PIGN: variants seen among roughly 807,000 people sequenced by gnomAD.
PIGN encodes GPI ethanolamine phosphate transferase 1.
Under a neutral mutation model 125.4 loss-of-function variants are expected in PIGN, and 117 were observed. The ratio of observed to expected loss-of-function variants is 0.93; its 90% CI spans 0.80 to 1.09. The LOEUF is 1.09. Among genes scored for constraint, PIGN ranks in the 50% least tolerant of loss-of-function variants. PIGN has a pLI of 0.00. For missense variants in PIGN, 1,075 were observed against 1,094.9 expected (o/e 0.98, Z 0.26); for synonymous variants, 392 against 377.8 (o/e 1.04, Z -0.44).
chr18:62,086,835 T>G (rs140305834), intron 25 of PIGN, among the ~76,000 whole-genome samples: 1 of 152,008 alleles, frequency 6.6e-6, no homozygotes, highest in Non-Finnish European at 1.5e-5. Context: ...GGAATGAAGA[T>G]CTAGAGTGAA....
At chr18:62,163,726 GC>G in intron 1 of PIGN, 70 bp from the exon 2 acceptor site, 1 of 152,168 alleles carries the variant, frequency 6.6e-6, no homozygotes, top group Middle Eastern at 3.4e-3. Context: ...ACATTTTAAA[GC>G]ACAGAGTTCT....
intron 9 of PIGN, 149 bp from the exon 10 acceptor site, chr18:62,146,174 CA>C (rs1291751123): frequency 2.5e-5 from 10 of 398,246 alleles, no homozygotes; most frequent in Non-Finnish European, 4.5e-5. Flanking sequence ...CCTTTTATGG[CA>C]ATTAGTTTGA....
At chr18:62,157,651 T>G (rs2036787337) in intron 5 of PIGN, 36 bp downstream of exon 5, 1 of 1,584,466 alleles carries the variant, frequency 6.3e-7, no homozygotes, top group Non-Finnish European at 8.6e-7. Flanking sequence ...ACTTGACAAA[T>G]TTTTCATTTC....
intron 14 of PIGN, among the ~76,000 whole-genome samples, chr18:62,117,955 C>T (rs935360192): frequency 3.3e-5 from 5 of 151,850 alleles, no homozygotes; most frequent in African/African-American, 1.2e-4. Flanking sequence ...TGTATATATA[C>T]CATATTTTCT....
chr18:62,090,633 A>G, intron 23 of PIGN, 55 bp from the exon 24 acceptor site: 1 of 1,008,822 alleles, frequency 9.9e-7, no homozygotes, highest in Non-Finnish European at 1.5e-6. Flanking sequence ...AATAAGTAAA[A>G]ATGCAAATTT....
At chr18:62,144,726 G>GTA in intron 10 of PIGN, among the ~76,000 whole-genome samples, 1 of 152,270 alleles carries the variant, frequency 6.6e-6, no homozygotes, top group South Asian at 2.1e-4. Context: ...AGACTACATG[G>GTA]TATATATATG....
chr18:62,165,763 G>C (rs1310149876), intron 1 of PIGN, among the ~76,000 whole-genome samples: 1 of 152,144 alleles, frequency 6.6e-6, no homozygotes, highest in Non-Finnish European at 1.5e-5. Flanking sequence ...TGAAGGGTGT[G>C]GTTAACTGTC....
At chr18:62,171,886 T>C (rs966128329) in intron 1 of PIGN, among the ~76,000 whole-genome samples, 3 of 152,180 alleles carry the variant, frequency 2.0e-5, no homozygotes, top group Non-Finnish European at 4.4e-5. Context: ...TTTTACCATT[T>C]TTTGCAGCAA....
intron 23 of PIGN, among the ~76,000 whole-genome samples, chr18:62,019,963 C>T (rs912810206): frequency 6.6e-6 from 1 of 152,232 alleles, no homozygotes; most frequent in African/African-American, 2.4e-5. Context: ...AATTGGAACT[C>T]TGGATTATGG....
chr18:62,097,581 C>T (rs1328187866), intron 22 of PIGN, among the ~76,000 whole-genome samples: 1 of 151,884 alleles, frequency 6.6e-6, no homozygotes, highest in African/African-American at 2.4e-5. Context: ...TGGGTATATA[C>T]CCAAAAATGA....
At position 62,145,967 on chromosome 18, in the gene PIGN, A is replaced by G; in HGVS notation, c.864T>C (p.Ala288=). The change falls in exon 10 of 31, where the codon GCT becomes GCC. Residue 288 remains alanine (A), a synonymous_variant. Coordinates refer to ENST00000640252, the MANE Select transcript of PIGN (RefSeq NM_176787.5). The stretch of plus-strand genomic sequence containing the variant: ...ATACTCTTTGGGGATACTTGATTCC[A>G]GCTCCCCAAGTGACTAAAGGAGTTA... The part of the protein sequence containing the change: ...ETLTPLVTWG[A]GIKYPQRVSA... The G allele has an allele frequency of 1.2e-6, 2 of 1,609,696 alleles. No homozygotes were observed. Among genetic ancestry groups the G allele is most frequent in the East Asian group, 2.2e-5 (1 of 44,740 alleles).
At chr18:62,084,455 C>T (rs2145942741) in intron 27 of PIGN, 76 bp downstream of exon 27, 3 of 941,522 alleles carry the variant, frequency 3.2e-6, no homozygotes, top group Non-Finnish European at 4.8e-6. Context: ...TCCATTGCTA[C>T]TTAACTCTGT....
intron 21 of PIGN, among the ~76,000 whole-genome samples, chr18:62,102,410 T>C (rs766088337): frequency 6.6e-6 from 1 of 150,878 alleles, no homozygotes; most frequent in Non-Finnish European, 1.5e-5. Flanking sequence ...GGACATTAAC[T>C]GAAGTCTTAA....
At chr18:62,073,861 C>T (rs2033028506) in intron 29 of PIGN, among the ~76,000 whole-genome samples, 1 of 152,184 alleles carries the variant, frequency 6.6e-6, no homozygotes, top group African/African-American at 2.4e-5. Context: ...CTTGGAATGT[C>T]ATGGAATGTC....
chr18:62,143,416 G>A (rs1217675384), intron 10 of PIGN, 70 bp from the exon 11 acceptor site: 2 of 947,330 alleles, frequency 2.1e-6, no homozygotes, highest in Non-Finnish European at 3.3e-6. Context: ...TGATTTTTAG[G>A]AGTGGCCAAT....
chr18:62,045,516 C>T lies in PIGN; in HGVS notation c.*340G>A. On this transcript the variant is annotated 3_prime_UTR_variant, in exon 31 of 31. Transcript: ENST00000640252. ...ACTGCCCCCACAGGCATATGCTCTCCTCTGGGTATGTGGGAAGTTGTGCGA... is the reference window on the plus strand; with the variant it reads ...ACTGCCCCCACAGGCATATGCTCTCTTCTGGGTATGTGGGAAGTTGTGCGA... The T allele has an allele frequency of 4.8e-6, 1 of 210,138 alleles. No individual in the cohort carries two copies. The highest frequency in any genetic ancestry group is 9.7e-6 in the Non-Finnish European group (1 of 103,408). The allele number at this position is 210,138 out of a possible 1,614,324, so 13.0% of individuals were successfully genotyped here. A position where few individuals can be genotyped will look rare whatever the true frequency, so the allele number is the denominator to read the frequency against.
At chr18:62,131,218 T>A (rs1191718541) in intron 14 of PIGN, among the ~76,000 whole-genome samples, 1 of 152,132 alleles carries the variant, frequency 6.6e-6, no homozygotes, top group East Asian at 1.9e-4. Flanking sequence ...TTTGTTAAAA[T>A]TTCTTTGTTT....
At chr18:62,159,874 G>A (rs1284489434) in intron 4 of PIGN, among the ~76,000 whole-genome samples, 1 of 152,228 alleles carries the variant, frequency 6.6e-6, no homozygotes, top group Non-Finnish European at 1.5e-5. Flanking sequence ...CAGCACTTGG[G>A]AGGCTAAGGC....
intron 1 of PIGN, among the ~76,000 whole-genome samples, chr18:62,180,562 T>C (rs2037681166): frequency 6.6e-6 from 1 of 152,174 alleles, no homozygotes; most frequent in Non-Finnish European, 1.5e-5. Flanking sequence ...TGGCATCCTG[T>C]TATTTGAATA....
Sources: gnomAD v4.1 joint callset for allele counts (sites outside exome capture counted in the v4.1 genomes callset) on GRCh38, gnomAD v4.1.1 for gene constraint, MANE v1.5 for transcripts, NCBI Gene and HGNC (gene_info 2026-07-23, HGNC 2026-07-21) for gene names.